The following TENM3 variants were observed in gnomAD, a reference collection of about 807,000 sequenced individuals.
The protein encoded by TENM3 is teneurin-3.
A neutral mutation model predicts 255.1 loss-of-function variants in TENM3; 63 were observed. The observed-to-expected ratio is 0.25, with a 90% confidence interval of 0.20 to 0.30. TENM3 has a LOEUF of 0.30. Among genes scored for constraint, TENM3 ranks in the 10% least tolerant of loss-of-function variants. The probability of loss-of-function intolerance (pLI) is 1.00; values close to 1 mark genes in which losing one functional copy is unlikely to be tolerated. For synonymous variants in TENM3, 1,306 were observed against 1,322.3 expected (o/e 0.99, Z 0.27); for missense variants, 2,929 against 3,461.1 (o/e 0.85, Z 3.86).
the TENM3 span, among the ~76,000 whole-genome samples, chr4:181,776,208 C>T: frequency 6.6e-6 from 1 of 152,110 alleles, no homozygotes. Flanking sequence ...TTTCATTTAA[C>T]ATTATAACCT....
chr4:182,554,374 A>G (rs1466437065), intron 3 of TENM3, among the ~76,000 whole-genome samples: 2 of 152,178 alleles, frequency 1.3e-5, no homozygotes, highest in African/African-American at 4.8e-5. Context: ...GCGAAAATCA[A>G]GTTTTATAGT....
At chr4:182,765,332 A>G (rs111955886) in intron 22 of TENM3, among the ~76,000 whole-genome samples, 81 of 152,208 alleles carry the variant, frequency 5.3e-4, no homozygotes, top group Non-Finnish European at 1.1e-3. Context: ...ATAATAAAAG[A>G]CAACAGCTGT....
chr4:181,888,506 ATATATATATG>A, the TENM3 span, among the ~76,000 whole-genome samples: 19 of 29,162 alleles, frequency 6.5e-4, no homozygotes, highest in South Asian at 0.017. Flanking sequence ...ATATATATAT[ATATATATATG>A]TATATATATA....
At chr4:182,744,632 G>A (rs774313784) in intron 19 of TENM3, among the ~76,000 whole-genome samples, 3 of 152,104 alleles carry the variant, frequency 2.0e-5, no homozygotes, top group Non-Finnish European at 2.9e-5. Context: ...TAAAACATAC[G>A]ATTATGTGAA....
At chr4:181,947,475 C>T in the TENM3 span, among the ~76,000 whole-genome samples, 3 of 152,062 alleles carry the variant, frequency 2.0e-5, no homozygotes, top group Admixed American at 6.6e-5. Context: ...CTATTCTTCC[C>T]GTTTACTCTT....
At chr4:181,493,947 G>C in the TENM3 span, among the ~76,000 whole-genome samples, 34 of 152,154 alleles carry the variant, frequency 2.2e-4, no homozygotes, top group African/African-American at 7.5e-4. Flanking sequence ...AATACTTATA[G>C]AGGACTCACT....
chr4:181,867,338 C>T, the TENM3 span, among the ~76,000 whole-genome samples: 1 of 152,130 alleles, frequency 6.6e-6, no homozygotes, highest in African/African-American at 2.4e-5. Flanking sequence ...TGCCCCCATC[C>T]AATCTTCCTG....
chr4:181,912,139 G>A, the TENM3 span, among the ~76,000 whole-genome samples: 3 of 152,296 alleles, frequency 2.0e-5, no homozygotes, highest in East Asian at 5.8e-4. Context: ...TTAAGCACTG[G>A]ACTGATCTTC....
At chr4:181,993,940 G>C in the TENM3 span, among the ~76,000 whole-genome samples, 2 of 152,184 alleles carry the variant, frequency 1.3e-5, no homozygotes, top group African/African-American at 4.8e-5. Flanking sequence ...AGACTTAGGG[G>C]AAATATTAAG....
chr4:181,768,339 A>G, the TENM3 span, among the ~76,000 whole-genome samples: 1 of 152,196 alleles, frequency 6.6e-6, no homozygotes, highest in East Asian at 1.9e-4. Flanking sequence ...TTCACCGGAC[A>G]GCTCCTCGCA....
intron 1 of TENM3, among the ~76,000 whole-genome samples, chr4:182,209,372 C>G (rs116133050): frequency 1.3e-5 from 2 of 151,834 alleles, no homozygotes; most frequent in Non-Finnish European, 2.9e-5. Flanking sequence ...TCCCAGGCAC[C>G]TTGTGTGCGT....
intron 2 of TENM3, among the ~76,000 whole-genome samples, chr4:182,333,305 G>A (rs1443142579): frequency 6.6e-6 from 1 of 152,180 alleles, no homozygotes; most frequent in Non-Finnish European, 1.5e-5. Flanking sequence ...TTTTCAGTAG[G>A]TGTGTAAAAA....
chr4:181,961,580 C>T, the TENM3 span, among the ~76,000 whole-genome samples: 62 of 152,084 alleles, frequency 4.1e-4, 1 homozygote, highest in East Asian at 2.9e-3. Context: ...CCACCACGTC[C>T]GGCTAATTTT....
At chr4:182,049,487 T>C in the TENM3 span, among the ~76,000 whole-genome samples, 1 of 152,166 alleles carries the variant, frequency 6.6e-6, no homozygotes, top group African/African-American at 2.4e-5. Context: ...TCACCTGGAA[T>C]TGCCTCCTGG....
At chr4:182,780,216 T>C (rs1356472559) in intron 24 of TENM3, among the ~76,000 whole-genome samples, 4 of 150,876 alleles carry the variant, frequency 2.7e-5, no homozygotes, top group Non-Finnish European at 4.4e-5. Context: ...TTAATCCATC[T>C]TGAATTGATT....
chr4:181,652,401 T>G, the TENM3 span, among the ~76,000 whole-genome samples: 1 of 152,222 alleles, frequency 6.6e-6, no homozygotes, highest in South Asian at 2.1e-4. Context: ...CGAAAGTCTG[T>G]GTGTCTCCTT....
At chr4:182,239,806 C>T (rs1056350562), upstream of TENM3, among the ~76,000 whole-genome samples, 1 of 151,982 alleles carries the variant, frequency 6.6e-6, no homozygotes, top group Admixed American at 6.6e-5. Flanking sequence ...AAAAGCTTTA[C>T]TGGAAAAAAA....
intron 3 of TENM3, among the ~76,000 whole-genome samples, chr4:182,568,002 G>T (rs1743969056): frequency 1.3e-5 from 2 of 152,192 alleles, no homozygotes; most frequent in Non-Finnish European, 2.9e-5. Flanking sequence ...GTGTTAAGGG[G>T]AAGATATGAG....
At chr4:182,261,468 A>G (rs1450904500) in intron 1 of TENM3, among the ~76,000 whole-genome samples, 2 of 152,062 alleles carry the variant, frequency 1.3e-5, no homozygotes, top group Non-Finnish European at 2.9e-5. Flanking sequence ...TAATGTCAGC[A>G]CCCCGTGTTT....
Sources: gnomAD v4.1 joint callset for allele counts (sites outside exome capture counted in the v4.1 genomes callset) on GRCh38, gnomAD v4.1.1 for gene constraint, MANE v1.5 for transcripts, NCBI Gene and HGNC (gene_info 2026-07-23, HGNC 2026-07-21) for gene names.